UGT2A2: variants seen among roughly 807,000 people sequenced by gnomAD.
The protein encoded by UGT2A2 is UDP-glucuronosyltransferase 2A2.
Under a neutral mutation model 50.7 loss-of-function variants are expected in UGT2A2, and 60 were observed. That is an observed-to-expected ratio of 1.18 (90% CI 0.96 to 1.47). The LOEUF (loss-of-function observed/expected upper bound fraction) is 1.47. Among genes scored for constraint, UGT2A2 ranks in the 40% most tolerant of loss-of-function variants. UGT2A2 has a pLI of 0.00. For synonymous variants in UGT2A2, 242 were observed against 214.6 expected, an observed-to-expected ratio of 1.13 and a Z score of -1.11; for missense variants, 762 against 634.0, an observed-to-expected ratio of 1.20 and a Z score of -2.17.
At chr4:69,633,008 T>C (rs1400553674) in intron 1 of UGT2A2, among the ~76,000 whole-genome samples, 3 of 152,078 alleles carry the variant, frequency 2.0e-5, no homozygotes, top group Non-Finnish European at 4.4e-5. Flanking sequence ...AATCATGATG[T>C]TAAAGTTGAA....
chr4:69,606,776 T>G (rs1479570437), intron 1 of UGT2A2, among the ~76,000 whole-genome samples: 1 of 135,984 alleles, frequency 7.4e-6, no homozygotes, highest in Admixed American at 7.2e-5. Flanking sequence ...TATACACCAA[T>G]AACAGACAAA....
chr4:69,608,437 G>A (rs1415785460), intron 1 of UGT2A2, among the ~76,000 whole-genome samples: 1 of 149,044 alleles, frequency 6.7e-6, no homozygotes, highest in African/African-American at 2.5e-5. Flanking sequence ...GGGGGAGGGG[G>A]GAAGGATAGC....
At chr4:69,612,905 C>T (rs1231330512) in intron 1 of UGT2A2, among the ~76,000 whole-genome samples, 2 of 47,912 alleles carry the variant, frequency 4.2e-5, no homozygotes, top group Non-Finnish European at 9.0e-5. Context: ...AGAACCTCTG[C>T]AGAAAAAAAA....
At chr4:69,612,165 T>C (rs1577967993) in intron 1 of UGT2A2, among the ~76,000 whole-genome samples, 3 of 152,146 alleles carry the variant, frequency 2.0e-5, no homozygotes, top group East Asian at 1.9e-4. Context: ...AGACTTCATG[T>C]ATGAAAATCA....
chr4:69,627,564 G>A lies in UGT2A2; in HGVS notation c.742+11335C>T, dbSNP rs188696717. Among the ~76,000 whole-genome samples the A allele has an allele frequency of 1.7e-3, 253 of 145,474 alleles. 3 individuals are homozygous for A. The highest frequency in any genetic ancestry group is 0.012 in the South Asian group (52 of 4,506). On this transcript the variant is annotated intron_variant, in intron 1 of 5. Coordinates refer to ENST00000604629, the MANE Select transcript of UGT2A2 (RefSeq NM_001105677.2). ...AGAGAGAGAAAGAGAGAGAGAGAGA[G>A]AGAAAGAAAGAGAGAAAGAAAAAAA...
intron 1 of UGT2A2, among the ~76,000 whole-genome samples, chr4:69,629,774 C>T (rs2109953241): frequency 6.6e-6 from 1 of 152,162 alleles, no homozygotes; most frequent in South Asian, 2.1e-4. Flanking sequence ...TTATTTTAAT[C>T]TGTAATCTGT....
At chr4:69,624,232 C>A (rs1449851809) in intron 1 of UGT2A2, among the ~76,000 whole-genome samples, 3 of 151,336 alleles carry the variant, frequency 2.0e-5, no homozygotes, top group Non-Finnish European at 4.4e-5. Flanking sequence ...ATAAAATGAC[C>A]TTTATTCTCA....
At chr4:69,632,999 A>G (rs1333379350) in intron 1 of UGT2A2, among the ~76,000 whole-genome samples, 2 of 152,152 alleles carry the variant, frequency 1.3e-5, no homozygotes, top group Non-Finnish European at 2.9e-5. Context: ...TGACAATTTA[A>G]TCATGATGTT....
At chr4:69,620,246 C>G (rs1720665588) in intron 1 of UGT2A2, among the ~76,000 whole-genome samples, 1 of 151,834 alleles carries the variant, frequency 6.6e-6, no homozygotes, top group South Asian at 2.1e-4. Context: ...ATAGTCTCAG[C>G]CCCAAAGCTG....
chr4:69,609,409 T>C (rs569343930), intron 1 of UGT2A2, among the ~76,000 whole-genome samples: 336 of 152,246 alleles, frequency 2.2e-3, no homozygotes, highest in South Asian at 5.0e-3. Context: ...TCTGTTTCCC[T>C]GGCTGGCCTC....
At chr4:69,618,785 G>T (rs887173169) in intron 1 of UGT2A2, among the ~76,000 whole-genome samples, 1 of 151,738 alleles carries the variant, frequency 6.6e-6, no homozygotes, top group East Asian at 1.9e-4. Flanking sequence ...TTAAAAAATA[G>T]AAGTGAACTT....
intron 1 of UGT2A2, among the ~76,000 whole-genome samples, chr4:69,633,963 C>T (rs1413932905): frequency 6.6e-6 from 1 of 151,964 alleles, no homozygotes; most frequent in African/African-American, 2.4e-5. Flanking sequence ...TTTAAAAACC[C>T]GGCCGCGCGC....
At chr4:69,613,174 T>G (rs922965067) in intron 1 of UGT2A2, among the ~76,000 whole-genome samples, 1 of 151,866 alleles carries the variant, frequency 6.6e-6, no homozygotes, top group Admixed American at 6.6e-5. Context: ...AAAATCATAA[T>G]GATATATAAA....
Position 69,633,596 on chromosome 4 carries a change from T to C in UGT2A2, c.742+5303A>G, listed in dbSNP as rs551272225. 1.1e-4 allele frequency among the ~76,000 whole-genome samples: 17 copies of C among 152,302 alleles called. 1 individual carries two copies. Among genetic ancestry groups the C allele is most frequent in the African/African-American group, 2.9e-4 (12 of 41,566 alleles). On this transcript the variant is annotated intron_variant, in intron 1 of 5. Coordinates refer to ENST00000604629, the MANE Select transcript of UGT2A2 (RefSeq NM_001105677.2). ...AATAAAATGTGATACATTAATTCAA[T>C]AGACTCCATATAGCTATAAGAATGA...
intron 5 of UGT2A2, among the ~76,000 whole-genome samples, chr4:69,593,188 T>C (rs574001557): frequency 7.2e-5 from 11 of 152,212 alleles, no homozygotes; most frequent in Admixed American, 2.0e-4. Flanking sequence ...CAAGTCTTTA[T>C]TGAAAGAAAA....
chr4:69,593,742 T>C (rs113764895), intron 5 of UGT2A2, among the ~76,000 whole-genome samples: 2 of 151,848 alleles, frequency 1.3e-5, no homozygotes, highest in African/African-American at 2.4e-5. Flanking sequence ...TGTATACATA[T>C]ACTAATTAAA....
chr4:69,627,522 A>C (rs538291547), intron 1 of UGT2A2, among the ~76,000 whole-genome samples: 1 of 123,312 alleles, frequency 8.1e-6, no homozygotes, highest in South Asian at 2.7e-4. Flanking sequence ...AGAAAGAAAG[A>C]AGAAAGAAAG....
chr4:69,615,586 GAAC>G (rs1270072433), intron 1 of UGT2A2, among the ~76,000 whole-genome samples: 1 of 151,828 alleles, frequency 6.6e-6, no homozygotes, highest in Non-Finnish European at 1.5e-5. Context: ...TTTCTCAAAA[GAAC>G]AACCAACAGG....
At chr4:69,594,195 C>G (rs1201051052) in intron 5 of UGT2A2, among the ~76,000 whole-genome samples, 1 of 151,880 alleles carries the variant, frequency 6.6e-6, no homozygotes, top group Admixed American at 6.6e-5. Flanking sequence ...AGGATGGTCT[C>G]GATCTCCGGA....
Sources: gnomAD v4.1 joint callset for allele counts (sites outside exome capture counted in the v4.1 genomes callset) on GRCh38, gnomAD v4.1.1 for gene constraint, MANE v1.5 for transcripts, NCBI Gene and HGNC (gene_info 2026-07-23, HGNC 2026-07-21) for gene names.